Variants in SRBD1 observed in about 807,000 individuals in gnomAD.
The protein encoded by SRBD1 is S1 RNA-binding domain-containing protein 1.
In SRBD1, 88 loss-of-function variants were observed where a neutral mutation model predicts 115.3. That is an observed-to-expected ratio of 0.76 (90% CI 0.64 to 0.91). SRBD1 has a LOEUF of 0.91. SRBD1 is among the 40% of genes least tolerant of loss of function. The probability of loss-of-function intolerance (pLI) is 0.00; values close to 1 mark genes in which losing one functional copy is unlikely to be tolerated. For synonymous variants in SRBD1, 509 were observed against 407.7 expected (o/e 1.25, Z -2.99); for missense variants, 1,385 against 1,177.4 (o/e 1.18, Z -2.58).
chr2:45,409,709 T>C (rs1667542373), intron 19 of SRBD1, among the ~76,000 whole-genome samples: 1 of 152,150 alleles, frequency 6.6e-6, no homozygotes, highest in South Asian at 2.1e-4. Context: ...ACAAAACTCG[T>C]ATTTTTATAT....
intron 14 of SRBD1, among the ~76,000 whole-genome samples, chr2:45,535,796 TATG>T (rs1325177905): frequency 1.3e-5 from 2 of 152,116 alleles, no homozygotes; most frequent in Non-Finnish European, 2.9e-5. Flanking sequence ...TGATTAGGAT[TATG>T]ATATTATCTA....
chr2:45,442,521 A>T (rs919897929), intron 16 of SRBD1, among the ~76,000 whole-genome samples: 1 of 152,190 alleles, frequency 6.6e-6, no homozygotes, highest in Non-Finnish European at 1.5e-5. Flanking sequence ...AGAAAATACA[A>T]ATTGAAGAAT....
intron 4 of SRBD1, among the ~76,000 whole-genome samples, chr2:45,595,600 T>C (rs1248045434): frequency 6.6e-6 from 1 of 152,250 alleles, no homozygotes; most frequent in Non-Finnish European, 1.5e-5. Context: ...TTCCAACATC[T>C]ACCCCTGTTC....
intron 14 of SRBD1, among the ~76,000 whole-genome samples, chr2:45,508,007 C>G (rs1670847767): frequency 6.6e-6 from 1 of 152,156 alleles, no homozygotes; most frequent in Admixed American, 6.5e-5. Context: ...TCTCCCATCC[C>G]TTCTTACTGT....
chr2:45,604,776 C>T (rs1052067022), intron 2 of SRBD1, among the ~76,000 whole-genome samples: 3 of 152,198 alleles, frequency 2.0e-5, no homozygotes, highest in African/African-American at 7.2e-5. Flanking sequence ...ACTATGCTCT[C>T]TATCCCCTGC....
At chr2:45,419,678 G>T in intron 17 of SRBD1, 110 bp downstream of exon 17, 1 of 845,886 alleles carries the variant, frequency 1.2e-6, no homozygotes, top group Non-Finnish European at 2.0e-6. Flanking sequence ...ACCCATAGAC[G>T]TTCTCTACTT....
At chr2:45,579,756 A>C in intron 7 of SRBD1, 119 bp downstream of exon 7, 1 of 1,182,876 alleles carries the variant, frequency 8.5e-7, no homozygotes, top group East Asian at 2.8e-5. Context: ...ATTATTCTAC[A>C]TACGCTGTAA....
intron 6 of SRBD1, among the ~76,000 whole-genome samples, chr2:45,581,338 T>C (rs80231964): frequency 6.6e-6 from 1 of 152,298 alleles, no homozygotes; most frequent in African/African-American, 2.4e-5. Context: ...CTTCTTGAGT[T>C]CTTCCATTCT....
At chr2:45,601,809 T>C (rs78666817) in intron 3 of SRBD1, 94 bp downstream of exon 3, 2 of 1,496,190 alleles carry the variant, frequency 1.3e-6, no homozygotes, top group Non-Finnish European at 1.8e-6. Context: ...GTTTTTGTCA[T>C]TTACATGCCT....
intron 15 of SRBD1, among the ~76,000 whole-genome samples, chr2:45,482,274 G>T (rs1311886578): frequency 6.6e-6 from 1 of 152,024 alleles, no homozygotes. Context: ...GACAAAAAGG[G>T]AAGATATAAA....
At chr2:45,573,937 G>A (rs562963630) in intron 8 of SRBD1, among the ~76,000 whole-genome samples, 1 of 152,246 alleles carries the variant, frequency 6.6e-6, no homozygotes, top group East Asian at 1.9e-4. Flanking sequence ...AGCTCAAACA[G>A]CTAGATATGT....
At chr2:45,487,160 T>C (rs80110768) in intron 15 of SRBD1, among the ~76,000 whole-genome samples, 2,800 of 152,314 alleles carry the variant, frequency 0.018, 31 homozygotes, top group Non-Finnish European at 0.028. Flanking sequence ...AAAAATTTCA[T>C]ATATATCTCT....
At chr2:45,511,820 GACAA>G (rs1670981047) in intron 14 of SRBD1, among the ~76,000 whole-genome samples, 1 of 152,148 alleles carries the variant, frequency 6.6e-6, no homozygotes, top group Non-Finnish European at 1.5e-5. Context: ...GCTAAGCAGT[GACAA>G]ACAGATCATT....
intron 14 of SRBD1, among the ~76,000 whole-genome samples, chr2:45,521,947 G>A (rs1301104121): frequency 6.6e-6 from 1 of 151,198 alleles, no homozygotes; most frequent in Non-Finnish European, 1.5e-5. Context: ...TAGCCTGGAT[G>A]ACAGAGCAAC....
At chr2:45,555,849 G>A (rs1031545168) in intron 10 of SRBD1, among the ~76,000 whole-genome samples, 1 of 152,026 alleles carries the variant, frequency 6.6e-6, no homozygotes, top group Non-Finnish European at 1.5e-5. Context: ...GTCTGTTACG[G>A]CACAGTGGGC....
chr2:45,490,122 AATAAT>A (rs1202687324), intron 14 of SRBD1, among the ~76,000 whole-genome samples: 2 of 152,186 alleles, frequency 1.3e-5, no homozygotes, highest in African/African-American at 4.8e-5. Context: ...CTTATCTTCT[AATAAT>A]ATAATGATCA....
intron 19 of SRBD1, among the ~76,000 whole-genome samples, chr2:45,409,398 AT>A (rs530351567): frequency 3.3e-5 from 5 of 151,802 alleles, no homozygotes; most frequent in South Asian, 2.1e-4. Flanking sequence ...TGGAACCACA[AT>A]TTTTTTTATA....
At chr2:45,585,198 A>G (rs1673481193) in intron 5 of SRBD1, among the ~76,000 whole-genome samples, 3 of 152,144 alleles carry the variant, frequency 2.0e-5, no homozygotes, top group Admixed American at 2.0e-4. Context: ...TTCCTACCAA[A>G]CTCTATACTG....
intron 16 of SRBD1, among the ~76,000 whole-genome samples, chr2:45,467,967 TAC>T (rs1669538840): frequency 6.6e-6 from 1 of 152,120 alleles, no homozygotes; most frequent in African/African-American, 2.4e-5. Flanking sequence ...TAACAAAAGT[TAC>T]AGAGTATAAG....
Sources: gnomAD v4.1 joint callset for allele counts (sites outside exome capture counted in the v4.1 genomes callset) on GRCh38, gnomAD v4.1.1 for gene constraint, MANE v1.5 for transcripts, NCBI Gene and HGNC (gene_info 2026-07-23, HGNC 2026-07-21) for gene names.